FBRSL1: variants seen among roughly 807,000 people sequenced by gnomAD.
FBRSL1 encodes fibrosin like 1, also known as fibrosin-1-like protein.
A neutral mutation model predicts 89.6 loss-of-function variants in FBRSL1; 51 were observed. The ratio of observed to expected loss-of-function variants is 0.57; its 90% confidence interval spans 0.45 to 0.72. FBRSL1 has a LOEUF of 0.72. Among genes scored for constraint, FBRSL1 ranks in the 30% least tolerant of loss-of-function variants. The pLI, the probability that FBRSL1 is intolerant of heterozygous loss-of-function variation, is 0.00. For missense variants in FBRSL1, 1,618 were observed against 1,451.8 expected (o/e 1.11, Z -1.86); for synonymous variants, 779 against 681.1 (o/e 1.14, Z -2.24).
chr12:132,492,022 T>C (rs2031093925), intron 1 of FBRSL1, among the ~76,000 whole-genome samples: 1 of 152,242 alleles, frequency 6.6e-6, no homozygotes, highest in Admixed American at 6.5e-5. Flanking sequence ...GCCATTGCTC[T>C]GTGCTGGGAC....
intron 5 of FBRSL1, chr12:132,555,012 C>T (rs1336553657): frequency 6.6e-6 from 1 of 152,212 alleles, no homozygotes; most frequent in Admixed American, 6.5e-5. Flanking sequence ...ATTCTGAAGA[C>T]AAGCTTGTGT....
intron 2 of FBRSL1, chr12:132,511,513 G>C: frequency 1.0e-6 from 1 of 986,062 alleles, no homozygotes; most frequent in African/African-American, 1.7e-5. Context: ...CCAAAAGGGA[G>C]GGGGTGTTTG....
chr12:132,516,574 C>T (rs1359381830), intron 2 of FBRSL1, among the ~76,000 whole-genome samples: 1 of 152,218 alleles, frequency 6.6e-6, no homozygotes, highest in Non-Finnish European at 1.5e-5. Flanking sequence ...GCCTGCTCAG[C>T]ACCCTGTCGC....
At chr12:132,498,691 G>T (rs1277336339) in intron 1 of FBRSL1, among the ~76,000 whole-genome samples, 1 of 152,234 alleles carries the variant, frequency 6.6e-6, no homozygotes, top group Admixed American at 6.5e-5. Flanking sequence ...ATCCTGGTCA[G>T]CAGGCGGCCC....
At chr12:132,578,802 T>A (rs1333258297) in intron 15 of FBRSL1, among the ~76,000 whole-genome samples, 2 of 152,008 alleles carry the variant, frequency 1.3e-5, no homozygotes, top group Non-Finnish European at 2.9e-5. Flanking sequence ...TGTGGACGTG[T>A]GAAGGCAGAG....
intron 4 of FBRSL1, among the ~76,000 whole-genome samples, chr12:132,530,643 C>T (rs757517900): frequency 6.6e-6 from 1 of 150,916 alleles, no homozygotes; most frequent in South Asian, 2.1e-4. Context: ...TGAGAAAGCC[C>T]GTTATTAACT....
chr12:132,583,872 G>GATC lies in FBRSL1; in HGVS notation c.*94_*95insATC. ...TCAAGCACAGCTCCCGCCGATCCTGGGGCGGCGCCGCCTCTCCACCCGCAG... is the reference window on the plus strand; with the variant it reads ...TCAAGCACAGCTCCCGCCGATCCTGGATCGGCGGCGCCGCCTCTCCACCCGCAG... On this transcript the variant is annotated 3_prime_UTR_variant, in exon 19 of 19. Transcript: ENST00000680143. The GATC allele has an allele frequency of 4.2e-6, 3 of 717,932 alleles. No individual in the cohort carries two copies. Among genetic ancestry groups the GATC allele is most frequent in the Non-Finnish European group, 5.4e-6 (3 of 554,934 alleles). 44.5% of individuals were successfully genotyped at this position (717,932 alleles called of 1,614,324 possible).
intron 5 of FBRSL1, among the ~76,000 whole-genome samples, chr12:132,563,865 A>G (rs556192793): frequency 1.5e-5 from 1 of 66,324 alleles, no homozygotes. Flanking sequence ...CATACCTACG[A>G]CTGTACACTC....
chr12:132,556,280 C>A (rs2038629427), intron 5 of FBRSL1, among the ~76,000 whole-genome samples: 1 of 152,176 alleles, frequency 6.6e-6, no homozygotes, highest in Admixed American at 6.5e-5. Flanking sequence ...CACCTATGCA[C>A]CACAGCCTTG....
chr12:132,525,658 A>C, intron 2 of FBRSL1, 76 bp from the exon 3 acceptor site: 1 of 1,207,048 alleles, frequency 8.3e-7, no homozygotes, highest in South Asian at 1.3e-5. Flanking sequence ...GCAGGCATGT[A>C]GCCCTAGCCA....
rs774580845 is a variant in FBRSL1, at chr12:132,583,411, C to T, written c.2642C>T (p.Pro881Leu). 6.3e-5 allele frequency: 68 copies of T among 1,077,492 alleles called. No homozygotes were observed. In the East Asian group the frequency reaches 2.8e-3, roughly 44 times the overall value. The allele number at this position is 1,077,492 out of a possible 1,614,324, so 66.7% of individuals were successfully genotyped here. ...APGSAALLEPPERPYRDREPH... is the reference protein window; with the variant it reads ...APGSAALLEPLERPYRDREPH... ...GGCTCCGCCGCCCTCTTGGAGCCCC[C>T]GGAGCGCCCCTACCGCGACCGCGAG... The change falls in exon 19 of 19, where the codon CCG (proline) becomes CTG (leucine). Residue 881 changes from proline (P) to leucine (L), a missense_variant. Coordinates refer to ENST00000680143, the MANE Select transcript of FBRSL1 (RefSeq NM_001367871.1).
intron 2 of FBRSL1, among the ~76,000 whole-genome samples, chr12:132,523,070 CT>C (rs1240510805): frequency 6.6e-6 from 1 of 152,144 alleles, no homozygotes; most frequent in East Asian, 1.9e-4. Flanking sequence ...GCAGTAGCTC[CT>C]GCCCACCCTC....
intron 15 of FBRSL1, among the ~76,000 whole-genome samples, chr12:132,578,602 ACACAGG>A (rs974699973): frequency 2.0e-5 from 3 of 152,238 alleles, no homozygotes; most frequent in Admixed American, 6.5e-5. Context: ...GCACACGTAC[ACACAGG>A]CACAGGCACA....
In FBRSL1 at chr12:132,511,994, C is replaced by G. The variant is rs557849316; in HGVS notation, c.489+3644C>G. 1.6e-4 allele frequency: 153 copies of G among 985,488 alleles called. No individual in the cohort carries two copies. In the African/African-American group the frequency reaches 2.6e-3, roughly 17 times the overall value. The allele number at this position is 985,488 out of a possible 1,614,324, so 61.0% of individuals were successfully genotyped here. On this transcript the variant is annotated intron_variant, in intron 2 of 18. Coordinates refer to ENST00000680143, the MANE Select transcript of FBRSL1 (RefSeq NM_001367871.1). ...TTTAAACAGACGAGCATGTGTCTTA[C>G]GTGATTTATTCCCACAAAGGGCTTT...
At chr12:132,567,806 G>A (rs1238926320) in intron 6 of FBRSL1, among the ~76,000 whole-genome samples, 4 of 152,172 alleles carry the variant, frequency 2.6e-5, no homozygotes, top group Non-Finnish European at 5.9e-5. Flanking sequence ...CCCTCCCCAG[G>A]TTCGTGGGGT....
chr12:132,494,448 C>G (rs2136326117), intron 1 of FBRSL1, among the ~76,000 whole-genome samples: 1 of 152,364 alleles, frequency 6.6e-6, no homozygotes, highest in Admixed American at 6.5e-5. Flanking sequence ...GTCCCTGTGT[C>G]TCCTGGGAGA....
intron 1 of FBRSL1, among the ~76,000 whole-genome samples, chr12:132,494,093 C>T (rs920589335): frequency 4.6e-5 from 7 of 152,178 alleles, no homozygotes; most frequent in Admixed American, 3.9e-4. Context: ...AACCAGGGGC[C>T]GTGGTATGTG....
At chr12:132,564,621 G>C (rs933004887) in intron 5 of FBRSL1, among the ~76,000 whole-genome samples, 2 of 126,590 alleles carry the variant, frequency 1.6e-5, no homozygotes. Context: ...TCAGCCTCCC[G>C]AGTAGCTGGG....
chr12:132,545,752 G>A (rs1308005020), intron 4 of FBRSL1, among the ~76,000 whole-genome samples: 2 of 152,248 alleles, frequency 1.3e-5, no homozygotes, highest in Non-Finnish European at 2.9e-5. Context: ...GGCCACGGGT[G>A]CACCCATGTG....
Sources: allele counts gnomAD v4.1 joint callset (sites outside exome capture counted in the v4.1 genomes callset), GRCh38; gene constraint gnomAD v4.1.1; transcripts MANE v1.5; gene names NCBI Gene and HGNC (gene_info 2026-07-23, HGNC 2026-07-21).